The following NLRX1 variants were observed in gnomAD, a reference collection of about 807,000 sequenced individuals.
NLRX1 encodes the protein NLR family member X1.
Under a neutral mutation model 74.2 loss-of-function variants are expected in NLRX1, and 67 were observed. The observed-to-expected ratio is 0.90, with a 90% CI of 0.74 to 1.11. The LOEUF is 1.11. Among genes scored for constraint, NLRX1 ranks in the 50% least tolerant of loss-of-function variants. NLRX1 has a pLI of 0.00. For missense variants in NLRX1, 1,191 were observed against 1,305.4 expected, an observed-to-expected ratio of 0.91 and a Z score of 1.35; for synonymous variants, 506 against 559.1, an observed-to-expected ratio of 0.91 and a Z score of 1.34.
chr11:119,168,603 T>C (rs1487927185), upstream of NLRX1: 2 of 152,314 alleles, frequency 1.3e-5, no homozygotes, highest in African/African-American at 4.8e-5. Context: ...ATTTCACCCT[T>C]CTGAGCATCA....
intron 6 of NLRX1, among the ~76,000 whole-genome samples, chr11:119,176,645 C>T (rs972665743): frequency 2.6e-4 from 39 of 151,744 alleles, no homozygotes; most frequent in African/African-American, 8.5e-4. Context: ...CAAGATTGCG[C>T]CACTGCACTC....
In NLRX1 at chr11:119,180,299, A is replaced by G. The variant is rs1356460170; in HGVS notation, c.2267+11A>G. On this transcript the variant is annotated intron_variant, in intron 7 of 9. Transcript: ENST00000409109. Reference sequence around the variant, plus strand: ...TGCCCGGAAGCTGGGGTGAGGACCTATCCTCATGCACAGGCATGAAGAGGG... The same window carrying G: ...TGCCCGGAAGCTGGGGTGAGGACCTGTCCTCATGCACAGGCATGAAGAGGG... 1.9e-6 allele frequency: 3 copies of G among 1,552,058 alleles called. No individual in the cohort carries two copies. The African/African-American group carries it at 4.1e-5, about 21-fold the overall frequency.
At position 119,173,630 on chromosome 11, in the gene NLRX1, C is replaced by T. The variant is rs779922768; in HGVS notation, c.381C>T (p.Pro127=). 3.5e-5 allele frequency: 56 copies of T among 1,614,002 alleles called. No homozygotes were observed. The highest frequency in any genetic ancestry group is 4.2e-5 in the Non-Finnish European group (50 of 1,180,050). Residue 127 remains proline (P), a synonymous_variant, in exon 5 of 10, where the codon CCC becomes CCT. Coordinates refer to ENST00000409109, the MANE Select transcript of NLRX1 (RefSeq NM_001282144.2). This position sits in a 1 kb window ranked among gnomAD's most constrained non-coding sequence, Gnocchi z 4.0. ...CCCCTGATGAGCTACTTCGCCCACC[C>T]GCGGAGCTGGCCCTGGAGCATCAGC... ...ESTPDELLRP[P]AELALEHQPP... is the part of the protein sequence containing the mutation.
Position 119,182,314 on chromosome 11 carries a change from G to T in NLRX1, c.2575G>T (p.Ala859Ser), listed in dbSNP as rs1317618495. ...AGCGGCCCTGGCCCTGGCCAGAGCT[G>T]CCCGGGAGCACCCTTCCCTGGAACT... ...DTAALALARA[A>S]REHPSLELLH... Residue 859 changes from alanine to serine, a missense_variant, in exon 9 of 10, where the codon GCC becomes TCC. Transcript: ENST00000409109. The T allele has an allele frequency of 6.2e-6, 10 of 1,612,942 alleles. No individual in the cohort carries two copies. The highest frequency in any genetic ancestry group is 8.5e-6 in the Non-Finnish European group (10 of 1,179,926).
At position 119,183,677 on chromosome 11, in the gene NLRX1, C is replaced by G. The variant is rs187703581; in HGVS notation, c.*238C>G. 12 of 739,344 alleles carry G rather than the reference C, an allele frequency of 1.6e-5. No individual in the cohort carries two copies. The Admixed American group carries it at 2.1e-4, about 13-fold the overall frequency. The allele number at this position is 739,344 out of a possible 1,614,324, so 45.8% of individuals were successfully genotyped here. ...CTTGGAGATGGAACATGCCTCCTCT[C>G]CATTCAGCTAGAAGGACCAAAGCAT... On this transcript the variant is annotated 3_prime_UTR_variant, in exon 10 of 10. Coordinates refer to ENST00000409109, the MANE Select transcript of NLRX1 (RefSeq NM_001282144.2). The surrounding 1 kb of genome is among the most constrained non-coding windows in gnomAD (Gnocchi z 5.7).
chr11:119,182,048 C>G lies in NLRX1; in HGVS notation c.2355-46C>G, dbSNP rs775819642. Reference sequence around the variant, plus strand: ...GTACCACCCCCAACCTTGCCTCCCCCTCCTCTCAATGAGCCCTCATAACCT... The same window carrying G: ...GTACCACCCCCAACCTTGCCTCCCCGTCCTCTCAATGAGCCCTCATAACCT... On this transcript the variant is annotated intron_variant, in intron 8 of 9. Transcript: ENST00000409109. 3.1e-6 allele frequency: 5 copies of G among 1,597,734 alleles called. No individual in the cohort carries two copies. The East Asian group carries it at 9.0e-5, about 29-fold the overall frequency.
rs760790531 is a variant in NLRX1, at chr11:119,183,871, A to G, written c.*432A>G. 2.6e-6 allele frequency: 2 copies of G among 780,732 alleles called. No homozygotes were observed. Among genetic ancestry groups the G allele is most frequent in the South Asian group, 2.7e-5 (2 of 74,592 alleles). 48.4% of individuals were successfully genotyped at this position (780,732 alleles called of 1,614,324 possible). Reference sequence around the variant, plus strand: ...AAGCTTCCCCTCCTGCCTTATGCTCACCTGTGGACACCGAGGATGCCCTCA... The same window carrying G: ...AAGCTTCCCCTCCTGCCTTATGCTCGCCTGTGGACACCGAGGATGCCCTCA... On this transcript the variant is annotated 3_prime_UTR_variant, in exon 10 of 10. Coordinates refer to ENST00000409109, the MANE Select transcript of NLRX1 (RefSeq NM_001282144.2). The surrounding 1 kb of genome is among the most constrained non-coding windows in gnomAD (Gnocchi z 5.7).
intron 6 of NLRX1, among the ~76,000 whole-genome samples, chr11:119,175,931 G>A (rs1948693649): frequency 6.6e-6 from 1 of 152,122 alleles, no homozygotes; most frequent in South Asian, 2.1e-4. Flanking sequence ...TCATCCTTTT[G>A]TTTTTCACAT....
In NLRX1 at chr11:119,173,389, C is replaced by T; in HGVS notation, c.230-90C>T. ...GGCCCCAGCATCTATGCCGTGATGT[C>T]CCAGCCTGACCTCACCACCGCCCTG... is the stretch of plus-strand genomic sequence containing the variant. On this transcript the variant is annotated intron_variant, in intron 4 of 9. Transcript: ENST00000409109. This position sits in a 1 kb window ranked among gnomAD's most constrained non-coding sequence, Gnocchi z 4.0. 7.1e-7 allele frequency: 1 copy of T among 1,407,610 alleles called. No homozygotes were observed. The highest frequency in any genetic ancestry group is 9.7e-7 in the Non-Finnish European group (1 of 1,030,962). The allele number at this position is 1,407,610 out of a possible 1,614,324, so 87.2% of individuals were successfully genotyped here. A position where few individuals can be genotyped will look rare whatever the true frequency, so the allele number is the denominator to read the frequency against.
At chr11:119,181,403 C>G (rs1339991229) in intron 8 of NLRX1, 146 bp downstream of exon 8, 10 of 643,064 alleles carry the variant, frequency 1.6e-5, no homozygotes, top group East Asian at 1.4e-4. Context: ...CCACTTCCCC[C>G]AGGTCCACTG....
At chr11:119,176,633 G>A (rs1476522679) in intron 6 of NLRX1, among the ~76,000 whole-genome samples, 9 of 150,174 alleles carry the variant, frequency 6.0e-5, no homozygotes, top group Non-Finnish European at 1.2e-4. Context: ...GTTGCAGTGA[G>A]CCAAGATTGC....
chr11:119,174,623 C>T lies in NLRX1; in HGVS notation c.1020C>T (p.Val340=), dbSNP rs1948646807. ...GGTATGCCGTTGGCGGTTCAGGTGT[C>T]TCTGCCACACCAGCTCAGCGTGACC... is the stretch of plus-strand genomic sequence containing the variant. ...YCGYAVGGSG[V]SATPAQRDHL... Residue 340 remains valine, a synonymous_variant, in exon 6 of 10, where the codon GTC becomes GTT. Coordinates refer to ENST00000409109, the MANE Select transcript of NLRX1 (RefSeq NM_001282144.2). 6.2e-7 allele frequency: 1 copy of T among 1,614,160 alleles called. No homozygotes were observed.
In NLRX1 at chr11:119,172,344, T is replaced by C; in HGVS notation, c.71-12T>C. ...GGGATCTGCAGATGCTATTTCTTCC[T>C]TCTCTCTGTAGATGATCGTATCCCC... is the stretch of plus-strand genomic sequence containing the variant. On this transcript the variant is annotated splice_polypyrimidine_tract_variant and intron_variant, in intron 2 of 9. Transcript: ENST00000409109. 6.2e-7 allele frequency: 1 copy of C among 1,609,460 alleles called. No homozygotes were observed. The highest frequency in any genetic ancestry group is 8.5e-7 in the Non-Finnish European group (1 of 1,175,700).
At chr11:119,175,784 T>G (rs1948689416) in intron 6 of NLRX1, among the ~76,000 whole-genome samples, 1 of 151,878 alleles carries the variant, frequency 6.6e-6, no homozygotes, top group Non-Finnish European at 1.5e-5. Context: ...CTTAGGGGAG[T>G]CATCATGAGG....
At position 119,183,212 on chromosome 11, in the gene NLRX1, A is replaced by C; in HGVS notation, c.2701A>C (p.Thr901Pro). The C allele has an allele frequency of 6.2e-7, 1 of 1,614,164 alleles. No homozygotes were observed. Among genetic ancestry groups the C allele is most frequent in the Non-Finnish European group, 8.5e-7 (1 of 1,180,026 alleles). ...TGGTGCCCGGGTGGTGGTGTCACTGACAGAGGGGACGGCGGTGTCAGAATA... is the reference window on the plus strand; with the variant it reads ...TGGTGCCCGGGTGGTGGTGTCACTGCCAGAGGGGACGGCGGTGTCAGAATA... ...EGGARVVVSL[T>P]EGTAVSEYWS... Residue 901 changes from threonine to proline, a missense_variant, in exon 10 of 10, where the codon ACA (threonine) becomes CCA (proline). By Grantham distance (38) the Thr-to-Pro change is conservative. Transcript: ENST00000409109. This position sits in a 1 kb window ranked among gnomAD's most constrained non-coding sequence, Gnocchi z 5.7.
In NLRX1 at chr11:119,174,826, G is replaced by T; in HGVS notation, c.1223G>T (p.Gly408Val). The change falls in exon 6 of 10, where the codon GGG becomes GTG. Residue 408 changes from glycine (G) to valine (V), a missense_variant. Transcript: ENST00000409109. ...YTSFLRLNFS[G>V]ETLDSTDPSN... ...AGCTTCCTGCGCCTCAACTTCAGCG[G>T]GGAAACCCTGGACAGCACTGACCCC... 1.2e-6 allele frequency: 2 copies of T among 1,614,020 alleles called. No individual in the cohort carries two copies. Among genetic ancestry groups the T allele is most frequent in the Non-Finnish European group, 1.7e-6 (2 of 1,180,054 alleles).
At chr11:119,178,610 A>C (rs1184105931) in intron 6 of NLRX1, among the ~76,000 whole-genome samples, 1 of 151,938 alleles carries the variant, frequency 6.6e-6, no homozygotes, top group East Asian at 1.9e-4. Flanking sequence ...TCTTTGTGGA[A>C]GGGCATGTCG....
chr11:119,180,067 CTA>C lies in NLRX1; in HGVS notation c.2048_2049del (p.Tyr683Ter), dbSNP rs1565833595. 6.2e-7 allele frequency: 1 copy of C among 1,613,720 alleles called. No homozygotes were observed. Among genetic ancestry groups the C allele is most frequent in the Non-Finnish European group, 8.5e-7 (1 of 1,180,032 alleles). On this transcript the variant is annotated frameshift_variant, in exon 7 of 10. Coordinates refer to ENST00000409109, the MANE Select transcript of NLRX1 (RefSeq NM_001282144.2). LOFTEE classifies it high-confidence loss of function. ...AGCTCCTTGACCACCTCTTCTTCCACTATGAGTTCCAGAACCAGCGCTTCTCC... is the reference window on the plus strand; with the variant it reads ...AGCTCCTTGACCACCTCTTCTTCCACTGAGTTCCAGAACCAGCGCTTCTCC... The part of the protein sequence containing the change: ...SELLDHLFFH[Y>X]EFQNQRFSAE...
At chr11:119,180,513 T>C (rs1948809646) in intron 7 of NLRX1, among the ~76,000 whole-genome samples, 1 of 151,936 alleles carries the variant, frequency 6.6e-6, no homozygotes. Context: ...GAGACCAGCC[T>C]CAACATGGAG....
Sources: allele counts gnomAD v4.1 joint callset (sites outside exome capture counted in the v4.1 genomes callset), GRCh38; gene constraint gnomAD v4.1.1; non-coding constraint Gnocchi (gnomAD v3.1); transcripts MANE v1.5; gene names NCBI Gene and HGNC (gene_info 2026-07-23, HGNC 2026-07-21).